Variants in CNTN5 observed in about 807,000 individuals in gnomAD.
The protein encoded by CNTN5 is contactin 5, also known as contactin-5.
In CNTN5, 77 loss-of-function variants were observed where a neutral mutation model predicts 129.1. The ratio of observed to expected loss-of-function variants is 0.60; its 90% CI spans 0.50 to 0.72. The LOEUF (loss-of-function observed/expected upper bound fraction) is 0.72. Ranked by LOEUF, CNTN5 falls within the 30% of genes least tolerant of loss-of-function variation. The probability of loss-of-function intolerance (pLI) is 0.00; values close to 1 mark genes in which losing one functional copy is unlikely to be tolerated. For synonymous variants in CNTN5, 509 were observed against 465.6 expected, an observed-to-expected ratio of 1.09 and a Z score of -1.20; for missense variants, 1,478 against 1,328.8, an observed-to-expected ratio of 1.11 and a Z score of -1.75.
intron 3 of CNTN5, among the ~76,000 whole-genome samples, chr11:99,668,811 G>A (rs1952908580): frequency 6.6e-6 from 1 of 152,102 alleles, no homozygotes; most frequent in South Asian, 2.1e-4. Flanking sequence ...GCATGTGCCT[G>A]TGGTCCTAGC....
intron 7 of CNTN5, among the ~76,000 whole-genome samples, chr11:99,927,213 A>G (rs964777629): frequency 6.6e-6 from 1 of 152,188 alleles, no homozygotes; most frequent in African/African-American, 2.4e-5. Flanking sequence ...ATCCTATTCT[A>G]TCTTTATCCC....
At chr11:100,226,368 A>G (rs980163549) in intron 16 of CNTN5, among the ~76,000 whole-genome samples, 1 of 152,158 alleles carries the variant, frequency 6.6e-6, no homozygotes, top group Non-Finnish European at 1.5e-5. Context: ...GACTGATAAG[A>G]AACCAGGTAT....
chr11:99,695,000 C>A (rs2134818125), intron 3 of CNTN5, among the ~76,000 whole-genome samples: 1 of 152,088 alleles, frequency 6.6e-6, no homozygotes, highest in East Asian at 1.9e-4. Context: ...TTCTGTCGAA[C>A]ACAAAATACA....
rs142061656 is a variant in CNTN5 at position 99,556,749 on chromosome 11, T to C, written c.55+480T>C. On this transcript the variant is annotated intron_variant, in intron 3 of 24. Coordinates refer to ENST00000524871, the MANE Select transcript of CNTN5 (RefSeq NM_014361.4). The stretch of plus-strand genomic sequence containing the variant: ...AAACAGAATCAGGTTAGCTTTATTA[T>C]ATATAACACAGTATCTAAAGGCATC... 1.8e-3 allele frequency among the ~76,000 whole-genome samples: 268 copies of C among 150,742 alleles called. 2 individuals carry two copies. Among genetic ancestry groups the C allele is most frequent in the East Asian group, 0.015 (77 of 5,158 alleles).
At chr11:100,007,166 C>G (rs1382299434) in intron 9 of CNTN5, among the ~76,000 whole-genome samples, 1 of 152,002 alleles carries the variant, frequency 6.6e-6, no homozygotes, top group Admixed American at 6.6e-5. Flanking sequence ...TGCAGTGTCA[C>G]CAGGCTTTGT....
At chr11:99,439,587 A>G (rs1943737426) in intron 2 of CNTN5, among the ~76,000 whole-genome samples, 1 of 151,496 alleles carries the variant, frequency 6.6e-6, no homozygotes, top group African/African-American at 2.4e-5. Context: ...GTGCACCTGG[A>G]ATCCCAGCTA....
intron 2 of CNTN5, among the ~76,000 whole-genome samples, chr11:99,363,027 T>G (rs967073275): frequency 6.6e-6 from 1 of 152,064 alleles, no homozygotes; most frequent in African/African-American, 2.4e-5. Context: ...GTGAATTTTT[T>G]GATGTATTTT....
chr11:99,913,860 T>A (rs926614251), intron 6 of CNTN5, among the ~76,000 whole-genome samples: 2 of 152,120 alleles, frequency 1.3e-5, no homozygotes, highest in Non-Finnish European at 2.9e-5. Flanking sequence ...GAGACCATTT[T>A]AAAAATTCAG....
rs565950757 is a variant in CNTN5, at chr11:99,832,131, G to A, written c.277+12366G>A. Reference sequence around the variant, plus strand: ...CTGCTTTATGACCCATTTTGGACTCGAGTAAGAAAACTGCTTGAATTTGCT... The same window carrying A: ...CTGCTTTATGACCCATTTTGGACTCAAGTAAGAAAACTGCTTGAATTTGCT... On this transcript the variant is annotated intron_variant, in intron 4 of 24. Transcript: ENST00000524871. Among the ~76,000 whole-genome samples, 7 of 152,180 alleles carry A rather than the reference G, an allele frequency of 4.6e-5. No homozygotes were observed. In the South Asian group the frequency reaches 6.2e-4, roughly 14 times the overall value.
chr11:100,222,379 G>C (rs1236143536), intron 15 of CNTN5, among the ~76,000 whole-genome samples: 1 of 151,998 alleles, frequency 6.6e-6, no homozygotes, highest in Admixed American at 6.6e-5. Context: ...GGACATTTTT[G>C]TAATTTTAAT....
At chr11:100,313,776 T>C (rs1288738529) in intron 21 of CNTN5, among the ~76,000 whole-genome samples, 1 of 151,984 alleles carries the variant, frequency 6.6e-6, no homozygotes, top group Non-Finnish European at 1.5e-5. Flanking sequence ...ATTTAGAAGT[T>C]GAGCTGAAGA....
intron 8 of CNTN5, among the ~76,000 whole-genome samples, chr11:99,991,032 A>G (rs1939053676): frequency 6.6e-6 from 1 of 152,206 alleles, no homozygotes; most frequent in Admixed American, 6.5e-5. Context: ...GATAAGTACA[A>G]TGACATATCT....
At chr11:99,079,981 G>T (rs1433477823) in intron 1 of CNTN5, among the ~76,000 whole-genome samples, 3 of 152,152 alleles carry the variant, frequency 2.0e-5, no homozygotes, top group African/African-American at 7.2e-5. Context: ...TGTGTGGACA[G>T]GAACAGAGTA....
rs1864824629 is a variant in CNTN5, at chr11:99,305,291, AG to A, written c.-209-20053del. The stretch of plus-strand genomic sequence containing the variant: ...AAGTGTAAAGTGTCATGGGAAAAAT[AG>A]GTACTCTATTCCTAGTATATTCTAA... On this transcript the variant is annotated intron_variant, in intron 1 of 24. Coordinates refer to ENST00000524871, the MANE Select transcript of CNTN5 (RefSeq NM_014361.4). Among the ~76,000 whole-genome samples, 2 of 152,206 alleles carry A rather than the reference AG, an allele frequency of 1.3e-5. 1 individual carries two copies. The highest frequency in any genetic ancestry group is 4.1e-4 in the South Asian group (2 of 4,830).
chr11:99,170,555 T>A (rs1381050587), intron 1 of CNTN5, among the ~76,000 whole-genome samples: 1 of 152,168 alleles, frequency 6.6e-6, no homozygotes, highest in Non-Finnish European at 1.5e-5. Context: ...GGATTCCCAA[T>A]AGTAAAAAGG....
Position 99,133,388 on chromosome 11 carries a change from A to AG in CNTN5, c.-210+112118_-210+112119insG, listed in dbSNP as rs72519039. 1.1e-3 allele frequency among the ~76,000 whole-genome samples: 165 copies of AG among 151,730 alleles called. 1 individual carries two copies. Among genetic ancestry groups the AG allele is most frequent in the African/African-American group, 3.8e-3 (157 of 41,360 alleles). On this transcript the variant is annotated intron_variant, in intron 1 of 24. Transcript: ENST00000524871. The stretch of plus-strand genomic sequence containing the variant: ...AATTGCCAAAAGCAATTGCAAAAAA[A>AG]AGGAAAAATTGGCAAATGGGATCTA...
At chr11:99,289,124 A>G in intron 1 of CNTN5, among the ~76,000 whole-genome samples, 1 of 151,764 alleles carries the variant, frequency 6.6e-6, no homozygotes, top group Non-Finnish European at 1.5e-5. Flanking sequence ...AGTTTTTCAG[A>G]GTTACTATGA....
At chr11:99,140,943 T>A (rs1859482964) in intron 1 of CNTN5, among the ~76,000 whole-genome samples, 1 of 152,130 alleles carries the variant, frequency 6.6e-6, no homozygotes, top group Non-Finnish European at 1.5e-5. Flanking sequence ...TTAGGGATAT[T>A]AGCCTGAAGT....
In CNTN5 at chr11:99,691,533, T is replaced by A. The variant is rs575682206; in HGVS notation, c.56-128011T>A. Among the ~76,000 whole-genome samples, 198 of 152,278 alleles carry A rather than the reference T, an allele frequency of 1.3e-3. 1 individual carries two copies. Among genetic ancestry groups the A allele is most frequent in the African/African-American group, 4.7e-3 (196 of 41,566 alleles). ...CCAAAAGTCATTCAGGAGCAGGTTGTTTGATTTTCATGTAGTTGTATAATT... is the reference window on the plus strand; with the variant it reads ...CCAAAAGTCATTCAGGAGCAGGTTGATTGATTTTCATGTAGTTGTATAATT... On this transcript the variant is annotated intron_variant, in intron 3 of 24. Transcript: ENST00000524871.
Sources: allele counts gnomAD v4.1 joint callset (sites outside exome capture counted in the v4.1 genomes callset), GRCh38; gene constraint gnomAD v4.1.1; transcripts MANE v1.5; gene names NCBI Gene and HGNC (gene_info 2026-07-23, HGNC 2026-07-21).